The following JMJD1C variants were observed in gnomAD, a reference collection of about 807,000 sequenced individuals.
JMJD1C encodes the protein jumonji domain containing 1C.
A neutral mutation model predicts 245.3 loss-of-function variants in JMJD1C; 31 were observed. That is an observed-to-expected ratio of 0.13 (90% CI 0.09 to 0.17). The LOEUF (loss-of-function observed/expected upper bound fraction) is 0.17, where lower values mean the gene tolerates loss of function less well. Among genes scored for constraint, JMJD1C ranks in the 10% least tolerant of loss-of-function variants. The probability of loss-of-function intolerance (pLI) is 1.00; values close to 1 mark genes in which losing one functional copy is unlikely to be tolerated. For missense variants in JMJD1C, 2,691 were observed against 3,000.2 expected (o/e 0.90, Z 2.41); for synonymous variants, 1,057 against 1,017.4 (o/e 1.04, Z -0.74).
chr10:63,380,598 G>T, intron 1 of JMJD1C, 116 bp from the exon 2 acceptor site: 1 of 704,996 alleles, frequency 1.4e-6, no homozygotes, highest in Non-Finnish European at 2.3e-6. Context: ...CGTGATACAT[G>T]CACACAATGT....
intron 2 of JMJD1C, among the ~76,000 whole-genome samples, chr10:63,300,731 A>G (rs1024679801): frequency 6.6e-6 from 1 of 152,108 alleles, no homozygotes; most frequent in Non-Finnish European, 1.5e-5. Flanking sequence ...GTTTCTACTA[A>G]AAGTACAAAA....
chr10:63,320,839 G>C (rs999375643), intron 2 of JMJD1C, among the ~76,000 whole-genome samples: 1 of 152,056 alleles, frequency 6.6e-6, no homozygotes, highest in African/African-American at 2.4e-5. Flanking sequence ...GTTCTAATGA[G>C]GCAATCTTGG....
At chr10:63,437,934 C>T (rs1161017123) in intron 1 of JMJD1C, among the ~76,000 whole-genome samples, 2 of 152,170 alleles carry the variant, frequency 1.3e-5, no homozygotes, top group Non-Finnish European at 2.9e-5. Flanking sequence ...TCTCATATAT[C>T]TAATCTTTAA....
At chr10:63,417,869 C>T (rs1949893549) in intron 1 of JMJD1C, among the ~76,000 whole-genome samples, 1 of 152,178 alleles carries the variant, frequency 6.6e-6, no homozygotes, top group African/African-American at 2.4e-5. Flanking sequence ...AGACTGGTAT[C>T]ATTTTCCTGT....
chr10:63,465,150 G>T, intron 1 of JMJD1C: 1 of 325,124 alleles, frequency 3.1e-6, no homozygotes, highest in Non-Finnish European at 5.6e-6. Flanking sequence ...ACCCCCACCT[G>T]CCCGCGCGGC....
chr10:63,317,154 C>T (rs1425204817), intron 2 of JMJD1C, among the ~76,000 whole-genome samples: 1 of 152,098 alleles, frequency 6.6e-6, no homozygotes, highest in Non-Finnish European at 1.5e-5. Flanking sequence ...AGACACCATG[C>T]CCAGTCAGCA....
intron 1 of JMJD1C, among the ~76,000 whole-genome samples, chr10:63,405,174 T>C (rs2132619949): frequency 6.6e-6 from 1 of 152,284 alleles, no homozygotes; most frequent in Admixed American, 6.5e-5. Context: ...ATTCTCTCAA[T>C]TAAATCCTAT....
At chr10:63,484,680 TCTTAA>T (rs1006825181) in intron 1 of JMJD1C, among the ~76,000 whole-genome samples, 3 of 151,284 alleles carry the variant, frequency 2.0e-5, no homozygotes, top group Non-Finnish European at 4.4e-5. Flanking sequence ...TTTTACTGTC[TCTTAA>T]CTTAAAAAAA....
At chr10:63,344,360 C>T (rs1308745891) in intron 2 of JMJD1C, among the ~76,000 whole-genome samples, 2 of 152,116 alleles carry the variant, frequency 1.3e-5, no homozygotes, top group Non-Finnish European at 2.9e-5. Context: ...ACAGGCCATA[C>T]CATATAGCCT....
chr10:63,227,854 T>C (rs919720988), intron 3 of JMJD1C, among the ~76,000 whole-genome samples: 6 of 152,226 alleles, frequency 3.9e-5, no homozygotes, highest in Admixed American at 3.3e-4. Flanking sequence ...ATCCCTGAGA[T>C]TGCTGGCAAC....
At chr10:63,247,719 C>CAAAAAAAAAAAA (rs71025135) in intron 3 of JMJD1C, among the ~76,000 whole-genome samples, 3 of 105,504 alleles carry the variant, frequency 2.8e-5, no homozygotes, top group East Asian at 3.1e-4. Context: ...GTGACAGAGC[C>CAAAAAAAAAAAA]AAAAAAAAAA....
At chr10:63,515,280 A>G (rs1367882493) in intron 1 of JMJD1C, among the ~76,000 whole-genome samples, 1 of 152,182 alleles carries the variant, frequency 6.6e-6, no homozygotes. Context: ...TTCTAAGAGA[A>G]ATAATTTCTC....
At chr10:63,279,211 T>C (rs925808383) in intron 2 of JMJD1C, among the ~76,000 whole-genome samples, 5 of 152,214 alleles carry the variant, frequency 3.3e-5, no homozygotes, top group Middle Eastern at 6.8e-3. Context: ...GACGGTGCCA[T>C]TGCACTCCAG....
intron 1 of JMJD1C, among the ~76,000 whole-genome samples, chr10:63,429,192 T>G (rs994186159): frequency 6.6e-6 from 1 of 152,132 alleles, no homozygotes; most frequent in African/African-American, 2.4e-5. Flanking sequence ...GATGGCAGGC[T>G]GGTCTCAAAC....
intron 10 of JMJD1C, chr10:63,202,117 G>A (rs55954285): frequency 0.012 from 2,119 of 174,672 alleles, 30 homozygotes; most frequent in African/African-American, 0.034. Flanking sequence ...AGCCAGGCGC[G>A]GTAGCACGCA....
intron 1 of JMJD1C, among the ~76,000 whole-genome samples, chr10:63,412,790 C>G (rs10761757): frequency 0.66 from 99,982 of 152,086 alleles, 35,787 homozygotes; most frequent in Non-Finnish European, 0.81. Context: ...ACATACCTAA[C>G]ATTTTCTAAA....
chr10:63,284,216 G>A (rs866010306), intron 2 of JMJD1C, among the ~76,000 whole-genome samples: 2 of 151,910 alleles, frequency 1.3e-5, no homozygotes, highest in African/African-American at 2.4e-5. Context: ...AGTAGATATG[G>A]GGTTTCACCA....
intron 3 of JMJD1C, among the ~76,000 whole-genome samples, chr10:63,240,138 T>C (rs141322578): frequency 1.3e-5 from 2 of 152,270 alleles, no homozygotes; most frequent in East Asian, 3.9e-4. Context: ...AAACAGTTAT[T>C]AAATAATGGT....
At chr10:63,187,120 A>ATT (rs549367197) in intron 18 of JMJD1C, among the ~76,000 whole-genome samples, 1 of 150,734 alleles carries the variant, frequency 6.6e-6, no homozygotes, top group Non-Finnish European at 1.5e-5. Flanking sequence ...CTCTAGCTAG[A>ATT]TTTTTTTTTT....
Sources: allele counts gnomAD v4.1 joint callset (sites outside exome capture counted in the v4.1 genomes callset), GRCh38; gene constraint gnomAD v4.1.1; transcripts MANE v1.5; gene names NCBI Gene and HGNC (gene_info 2026-07-23, HGNC 2026-07-21).